The following PHYKPL variants were observed in gnomAD, a reference collection of about 807,000 sequenced individuals.
The protein encoded by PHYKPL is 5-phosphohydroxy-L-lysine phospho-lyase.
PHYKPL carries 42 observed loss-of-function variants against 51.3 expected under a neutral mutation model. That is an observed-to-expected ratio of 0.82 (90% confidence interval 0.64 to 1.06). The LOEUF is 1.06. PHYKPL is among the 50% of genes least tolerant of loss of function. The pLI is 0.00. For synonymous variants in PHYKPL, 264 were observed against 236.0 expected (o/e 1.12, Z -1.09); for missense variants, 655 against 586.6 (o/e 1.12, Z -1.20).
chr5:178,211,944 C>G lies in PHYKPL; in HGVS notation c.1330G>C (p.Glu444Gln). The change falls in exon 12 of 13, where the codon GAA becomes CAA. Residue 444 changes from glutamate (E) to glutamine (Q), a missense_variant. Transcript: ENST00000308158. ...GCTTAGGGCTGGAGCCTCAGCGTTT[C>G]ACAACTTCTCACCTTCTCTTCCATG... ...TDMEEKVRSC[E>Q]TLRLQP The G allele has an allele frequency of 1.2e-6, 2 of 1,614,218 alleles. No individual in the cohort carries two copies. The highest frequency in any genetic ancestry group is 1.7e-6 in the Non-Finnish European group (2 of 1,180,034).
rs1758976884 is a variant in PHYKPL, at chr5:178,213,096, C to T, written c.1180G>A (p.Glu394Lys). ...EAAYLVSRLKENYVLLSTDGP... is the reference protein window; with the variant it reads ...EAAYLVSRLKKNYVLLSTDGP... Reference sequence around the variant, plus strand: ...TCAGTGCTCAGCAAAACGTAGTTCTCCTTCAGCCTGTGAGGACAGGACACC... The same window carrying T: ...TCAGTGCTCAGCAAAACGTAGTTCTTCTTCAGCCTGTGAGGACAGGACACC... The change falls in exon 11 of 13, where the codon GAG becomes AAG. Residue 394 changes from glutamate to lysine, a missense_variant. Coordinates refer to ENST00000308158, the MANE Select transcript of PHYKPL (RefSeq NM_153373.4). 1 of 1,613,904 alleles carries T rather than the reference C, an allele frequency of 6.2e-7. No homozygotes were observed. Among genetic ancestry groups the T allele is most frequent in the Non-Finnish European group, 8.5e-7 (1 of 1,179,944 alleles).
intron 8 of PHYKPL, chr5:178,216,131 C>T (rs1310103450): frequency 6.6e-6 from 1 of 152,154 alleles, no homozygotes; most frequent in Non-Finnish European, 1.5e-5. Flanking sequence ...ATTTTCATCA[C>T]TTCCTGTGCA....
chr5:178,218,109 C>T (rs1253054643), intron 8 of PHYKPL, among the ~76,000 whole-genome samples: 1 of 107,710 alleles, frequency 9.3e-6, no homozygotes, highest in Admixed American at 1.1e-4. Context: ...CCCAGCTACT[C>T]GGGAGGCTGA....
intron 8 of PHYKPL, among the ~76,000 whole-genome samples, chr5:178,219,043 C>T (rs1760556395): frequency 6.6e-6 from 1 of 151,890 alleles, no homozygotes; most frequent in South Asian, 2.1e-4. Flanking sequence ...ACATCGTGTA[C>T]AAAAATAAAC....
chr5:178,225,711 C>T, intron 3 of PHYKPL: 1 of 456,792 alleles, frequency 2.2e-6, no homozygotes, highest in Non-Finnish European at 4.0e-6. Flanking sequence ...TGTTTTTCCT[C>T]TGCTTTCACA....
At chr5:178,210,941 G>C (rs1369815614) in intron 12 of PHYKPL, 1 of 358,142 alleles carries the variant, frequency 2.8e-6, no homozygotes. Context: ...GTTGTAAAGA[G>C]TAAATTGTAT....
At chr5:178,207,864 G>C (rs1321469927), downstream of PHYKPL, among the ~76,000 whole-genome samples, 1 of 151,888 alleles carries the variant, frequency 6.6e-6, no homozygotes, top group Non-Finnish European at 1.5e-5. Context: ...CACCATGCCT[G>C]GCTCATATGT....
chr5:178,210,141 A>AGAGTT, intron 12 of PHYKPL: 1 of 1,614,138 alleles, frequency 6.2e-7, no homozygotes, highest in Non-Finnish European at 8.5e-7. Context: ...GGTCAGAGTC[A>AGAGTT]GAGTTGGAAT....
chr5:178,227,564 A>G (rs1310769725), intron 3 of PHYKPL, among the ~76,000 whole-genome samples: 1 of 152,166 alleles, frequency 6.6e-6, no homozygotes, highest in Non-Finnish European at 1.5e-5. Flanking sequence ...TCCGGGAACC[A>G]GGAGAAGATG....
At chr5:178,232,235 G>A (rs1763619302) in intron 1 of PHYKPL, 5 of 1,254,854 alleles carry the variant, frequency 4.0e-6, no homozygotes, top group Non-Finnish European at 5.0e-6. Context: ...GGGCGGGGCC[G>A]TCTCCTGAAC....
intron 3 of PHYKPL, chr5:178,225,810 C>T (rs527280467): frequency 3.4e-5 from 8 of 236,552 alleles, no homozygotes; most frequent in East Asian, 1.0e-4. Flanking sequence ...AGTTCTGCAG[C>T]GGACACCAGT....
intron 9 of PHYKPL, 88 bp from the exon 10 acceptor site, chr5:178,214,973 C>A: frequency 8.4e-7 from 1 of 1,193,208 alleles, no homozygotes; most frequent in Non-Finnish European, 1.2e-6. Context: ...CCTGTGCCTC[C>A]TGAGGGGGCT....
Position 178,211,880 on chromosome 5 carries a change from G to GC in PHYKPL, c.*31+9dup, listed in dbSNP as rs1290809245. 1.2e-6 allele frequency: 2 copies of GC among 1,600,626 alleles called. No homozygotes were observed. Among genetic ancestry groups the GC allele is most frequent in the Admixed American group, 3.3e-5 (2 of 59,892 alleles). ...TGCATCTTCAAGAGTAAGAAGCAAGGCCCACTCACCTGGAGTACACTTAGG... is the reference window on the plus strand; with the variant it reads ...TGCATCTTCAAGAGTAAGAAGCAAGGCCCCACTCACCTGGAGTACACTTAGG... On this transcript the variant is annotated intron_variant, in intron 12 of 12. Transcript: ENST00000308158.
rs561027854 is a variant in PHYKPL at position 178,213,301 on chromosome 5, G to C, written c.1173-198C>G. 2.6e-4 allele frequency among the ~76,000 whole-genome samples: 39 copies of C among 152,302 alleles called. 1 individual carries two copies. The highest frequency in any genetic ancestry group is 4.4e-4 in the Non-Finnish European group (30 of 68,032). On this transcript the variant is annotated intron_variant, in intron 10 of 12. Coordinates refer to ENST00000308158, the MANE Select transcript of PHYKPL (RefSeq NM_153373.4). ...GCCTGCTTGGAGTGCACTGCACCTGGCCCTGAGCCTGCTGCCCCACAGAAC... is the reference window on the plus strand; with the variant it reads ...GCCTGCTTGGAGTGCACTGCACCTGCCCCTGAGCCTGCTGCCCCACAGAAC...
In PHYKPL at chr5:178,224,658, T is replaced by A. The variant is rs545120114; in HGVS notation, c.485A>T (p.Lys162Met). Reference sequence around the variant, plus strand: ...AGTGCATACCACGTGGACCCACTCCTTCTGGCCATCCAGGTTGCGGAACTT... The same window carrying A: ...AGTGCATACCACGTGGACCCACTCCATCTGGCCATCCAGGTTGCGGAACTT... Reference protein sequence around the residue: ...PYKFRNLDGQKEWVHVAPLPD... With the variant: ...PYKFRNLDGQMEWVHVAPLPD... The change falls in exon 5 of 13, where the codon AAG becomes ATG. Residue 162 changes from lysine to methionine, a missense_variant. By Grantham distance (95) the Lys-to-Met change is moderately conservative (BLOSUM62 -1). Transcript: ENST00000308158. 2.5e-6 allele frequency: 4 copies of A among 1,614,214 alleles called. No homozygotes were observed. The South Asian group carries it at 4.4e-5, about 18-fold the overall frequency.
intron 8 of PHYKPL, among the ~76,000 whole-genome samples, chr5:178,217,189 TAAATG>T (rs1476956064): frequency 9.9e-5 from 15 of 151,120 alleles, no homozygotes; most frequent in Admixed American, 9.2e-4. Context: ...ATAAGCACAA[TAAATG>T]AAATGAAGCA....
At chr5:178,218,135 T>G in intron 8 of PHYKPL, among the ~76,000 whole-genome samples, 1 of 108,004 alleles carries the variant, frequency 9.3e-6, no homozygotes, top group African/African-American at 4.2e-5. Context: ...GAGAATGGCA[T>G]GAACCCGGGA....
chr5:178,222,691 C>A, intron 7 of PHYKPL, 111 bp from the exon 8 acceptor site: 1 of 1,374,938 alleles, frequency 7.3e-7, no homozygotes, highest in Non-Finnish European at 1.0e-6. Context: ...AAGGTGGGGA[C>A]CTTGGGCAAT....
intron 12 of PHYKPL, chr5:178,210,137 A>T (rs147046484): frequency 6.2e-7 from 1 of 1,613,974 alleles, no homozygotes; most frequent in African/African-American, 1.3e-5. Context: ...CACAGGTCAG[A>T]GTCAGAGTTG....
Sources: allele counts gnomAD v4.1 joint callset (sites outside exome capture counted in the v4.1 genomes callset), GRCh38; gene constraint gnomAD v4.1.1; transcripts MANE v1.5; gene names NCBI Gene and HGNC (gene_info 2026-07-23, HGNC 2026-07-21).